The following CFAP221 variants were observed in gnomAD, a reference collection of about 807,000 sequenced individuals.
CFAP221 encodes the protein cilia- and flagella-associated protein 221.
Under a neutral mutation model 113.1 loss-of-function variants are expected in CFAP221, and 97 were observed. That is an observed-to-expected ratio of 0.86 (90% CI 0.73 to 1.02). The LOEUF (loss-of-function observed/expected upper bound fraction) is 1.02. CFAP221 is among the 50% of genes least tolerant of loss of function. CFAP221 has a pLI of 0.00. For synonymous variants in CFAP221, 331 were observed against 354.4 expected (o/e 0.93, Z 0.74); for missense variants, 1,025 against 1,013.4 (o/e 1.01, Z -0.16).
chr2:119,600,769 C>T (rs1684311364), intron 7 of CFAP221, among the ~76,000 whole-genome samples: 1 of 152,150 alleles, frequency 6.6e-6, no homozygotes, highest in South Asian at 2.1e-4. Flanking sequence ...TCTTCTTCCA[C>T]CTCTTCCACC....
At position 119,639,883 on chromosome 2, in the gene CFAP221, C is replaced by T; in HGVS notation, c.2225+11C>T. On this transcript the variant is annotated intron_variant, in intron 21 of 23. Transcript: ENST00000413369. Reference sequence around the variant, plus strand: ...GGAGACCACAAAGAGGTAAGCACAGCTCATCTGTTTGCTCACGAGTATGTG... The same window carrying T: ...GGAGACCACAAAGAGGTAAGCACAGTTCATCTGTTTGCTCACGAGTATGTG... The T allele has an allele frequency of 6.2e-7, 1 of 1,609,346 alleles. No homozygotes were observed. The highest frequency in any genetic ancestry group is 8.5e-7 in the Non-Finnish European group (1 of 1,175,762).
At position 119,559,493 on chromosome 2, in the gene CFAP221, G is replaced by A. The variant is rs551926917; in HGVS notation, c.241-196G>A. On this transcript the variant is annotated intron_variant, in intron 3 of 23. Coordinates refer to ENST00000413369, the MANE Select transcript of CFAP221 (RefSeq NM_001271049.2). ...GGGGGAAAGTGGGGACATGGGGCAC[G>A]TTTTATAATTCTTGAAATGGTGTGT... Among the ~76,000 whole-genome samples the A allele has an allele frequency of 3.3e-5, 5 of 152,106 alleles. No individual in the cohort carries two copies. In the East Asian group the frequency reaches 5.8e-4, roughly 18 times the overall value.
chr2:119,644,477 A>C (rs1246505070), intron 21 of CFAP221, among the ~76,000 whole-genome samples: 1 of 152,192 alleles, frequency 6.6e-6, no homozygotes, highest in African/African-American at 2.4e-5. Context: ...AGAATTTTCT[A>C]ATATAACCTG....
Position 119,615,657 on chromosome 2 carries a change from C to T in CFAP221, c.1358C>T (p.Thr453Ile). 2.5e-6 allele frequency: 4 copies of T among 1,613,148 alleles called. No homozygotes were observed. Among genetic ancestry groups the T allele is most frequent in the Non-Finnish European group, 3.4e-6 (4 of 1,179,596 alleles). The change falls in exon 14 of 24, where the codon ACT (threonine) becomes ATT (isoleucine). Residue 453 changes from threonine (T) to isoleucine (I), a missense_variant. Physicochemically the swap from Thr to Ile is moderately conservative, Grantham distance 89. Transcript: ENST00000413369. ...ACTTTTGATCCACTCATTAATAACA[C>T]TTGGCTCAGCAGGTCCAGGGCACAA... Reference protein sequence around the residue: ...HPTFDPLINNTWLSRSRAQKR... With the variant: ...HPTFDPLINNIWLSRSRAQKR...
intron 1 of CFAP221, among the ~76,000 whole-genome samples, 162 bp downstream of exon 1, chr2:119,544,672 G>A (rs975509534): frequency 1.3e-5 from 2 of 152,180 alleles, no homozygotes; most frequent in African/African-American, 4.8e-5. Context: ...TGAGGATGGT[G>A]GGGGGAGCGG....
Position 119,635,374 on chromosome 2 carries a change from T to TC in CFAP221, c.1975-2882dup, listed in dbSNP as rs201760347. ...GAATATTCATAGCAGATTTATATGTTCCCAAACATATAAATCTTGGGTAAA... is the reference window on the plus strand; with the variant it reads ...GAATATTCATAGCAGATTTATATGTTCCCCAAACATATAAATCTTGGGTAAA... On this transcript the variant is annotated intron_variant, in intron 19 of 23. Coordinates refer to ENST00000413369, the MANE Select transcript of CFAP221 (RefSeq NM_001271049.2). Among the ~76,000 whole-genome samples the TC allele has an allele frequency of 7.0e-3, 1,068 of 152,296 alleles. 13 individuals are homozygous for TC. Among genetic ancestry groups the TC allele is most frequent in the African/African-American group, 0.024 (994 of 41,548 alleles).
At chr2:119,546,766 A>G (rs1220548315) in intron 2 of CFAP221, among the ~76,000 whole-genome samples, 1 of 152,182 alleles carries the variant, frequency 6.6e-6, no homozygotes, top group South Asian at 2.1e-4. Flanking sequence ...CTCTGGCTAC[A>G]TGAGGTTCCT....
chr2:119,581,585 C>A (rs1250270190), intron 6 of CFAP221, among the ~76,000 whole-genome samples: 1 of 152,170 alleles, frequency 6.6e-6, no homozygotes, highest in Non-Finnish European at 1.5e-5. Flanking sequence ...GGAAGCTAGA[C>A]TGAAAAGCTC....
chr2:119,605,874 GTGGTCACATAAAAAAGATA>G (rs888269388), intron 11 of CFAP221, among the ~76,000 whole-genome samples: 4 of 152,194 alleles, frequency 2.6e-5, no homozygotes, highest in South Asian at 2.1e-4. Context: ...CCCAGCTGGA[GTGGTCACATAAAAAAGATA>G]TGGTCACATA....
Position 119,604,738 on chromosome 2 carries a change from G to A in CFAP221, c.858G>A (p.Met286Ile), listed in dbSNP as rs1319236938. The change falls in exon 9 of 24, where the codon ATG becomes ATA. Residue 286 changes from methionine (M) to isoleucine (I), a missense_variant. Coordinates refer to ENST00000413369, the MANE Select transcript of CFAP221 (RefSeq NM_001271049.2). ...KKVNVPPEKAMMHINFHRPPA... is the reference protein window; with the variant it reads ...KKVNVPPEKAIMHINFHRPPA... ...TAAACGTTCCTCCAGAAAAAGCAAT[G>A]ATGCATATAAATTTTCACCGACCGC... 5 of 1,550,326 alleles carry A rather than the reference G, an allele frequency of 3.2e-6. No homozygotes were observed. The highest frequency in any genetic ancestry group is 4.3e-6 in the Non-Finnish European group (5 of 1,153,388).
intron 21 of CFAP221, among the ~76,000 whole-genome samples, chr2:119,640,890 C>T (rs143292559): frequency 1.3e-5 from 2 of 152,304 alleles, no homozygotes; most frequent in East Asian, 3.9e-4. Context: ...CTCTCTGGGC[C>T]CAGTCCTCTT....
chr2:119,575,251 T>C (rs1005192747), intron 6 of CFAP221, among the ~76,000 whole-genome samples: 7 of 152,166 alleles, frequency 4.6e-5, no homozygotes, highest in African/African-American at 1.7e-4. Flanking sequence ...TCCCTTCACA[T>C]CCATCTTAGC....
chr2:119,604,817 C>T (rs757236664), intron 9 of CFAP221, 25 bp downstream of exon 9: 21 of 1,594,436 alleles, frequency 1.3e-5, no homozygotes, highest in Admixed American at 3.5e-5. Context: ...GTCCTTGGTG[C>T]GATGAAAGGG....
chr2:119,625,253 A>T (rs1292558871), intron 14 of CFAP221, among the ~76,000 whole-genome samples: 2 of 152,204 alleles, frequency 1.3e-5, no homozygotes, highest in Non-Finnish European at 2.9e-5. Flanking sequence ...CAGTGGTAGC[A>T]TTACTATTCA....
At chr2:119,599,395 A>G (rs1352621513) in intron 7 of CFAP221, among the ~76,000 whole-genome samples, 1 of 152,188 alleles carries the variant, frequency 6.6e-6, no homozygotes, top group Non-Finnish European at 1.5e-5. Flanking sequence ...ATAGGCTTTT[A>G]AGTTTGGGTT....
intron 1 of CFAP221, chr2:119,545,000 G>T: frequency 6.6e-6 from 1 of 152,080 alleles, no homozygotes; most frequent in Non-Finnish European, 1.5e-5. Flanking sequence ...TGAGGAGGGG[G>T]CCATGCAGCC....
chr2:119,555,759 T>C (rs1045496929), intron 3 of CFAP221, among the ~76,000 whole-genome samples: 18 of 152,196 alleles, frequency 1.2e-4, no homozygotes, highest in Non-Finnish European at 2.2e-4. Context: ...CCCTGTGGCA[T>C]GGACAGTACC....
chr2:119,601,479 A>G, intron 8 of CFAP221, 102 bp downstream of exon 8: 1 of 1,129,094 alleles, frequency 8.9e-7, no homozygotes, highest in East Asian at 2.7e-5. Context: ...AATGTCATCA[A>G]AAACTTATTT....
chr2:119,620,935 CAG>C (rs1481428661), intron 14 of CFAP221, among the ~76,000 whole-genome samples: 4 of 150,812 alleles, frequency 2.7e-5, no homozygotes, highest in African/African-American at 9.7e-5. Context: ...AAAAAAAAAG[CAG>C]GGGTTGGCTG....
Sources: gnomAD v4.1 joint callset for allele counts (sites outside exome capture counted in the v4.1 genomes callset) on GRCh38, gnomAD v4.1.1 for gene constraint, MANE v1.5 for transcripts, NCBI Gene and HGNC (gene_info 2026-07-23, HGNC 2026-07-21) for gene names.